Variants in FSTL1 observed in about 807,000 individuals in gnomAD.
FSTL1 encodes the protein follistatin like 1.
Under a neutral mutation model 45.9 loss-of-function variants are expected in FSTL1, and 24 were observed. The observed-to-expected ratio is 0.52, with a 90% CI of 0.38 to 0.74. The LOEUF (loss-of-function observed/expected upper bound fraction) is 0.74, where lower values mean the gene tolerates loss of function less well. Ranked by LOEUF, FSTL1 falls within the 30% of genes least tolerant of loss-of-function variation. FSTL1 has a pLI of 0.00. For synonymous variants in FSTL1, 120 were observed against 137.6 expected (o/e 0.87, Z 0.89); for missense variants, 340 against 381.8 (o/e 0.89, Z 0.91).
intron 2 of FSTL1, chr3:120,419,091 ATCTC>A (rs921427000): frequency 3.9e-5 from 6 of 152,208 alleles, no homozygotes; most frequent in African/African-American, 7.2e-5. Context: ...ATAGGTGGCA[ATCTC>A]TCTCTGTCTT....
At chr3:120,421,170 G>A (rs1937271976) in intron 2 of FSTL1, 1 of 152,210 alleles carries the variant, frequency 6.6e-6, no homozygotes, top group African/African-American at 2.4e-5. Context: ...TATAAGCAAA[G>A]CCATAAAACT....
chr3:120,395,640 TG>T lies in FSTL1; in HGVS notation c.*1311del, dbSNP rs1560008706. 1 of 533,116 alleles carries T rather than the reference TG, an allele frequency of 1.9e-6. No individual in the cohort carries two copies. 33.0% of individuals were successfully genotyped at this position (533,116 alleles called of 1,614,324 possible). Reference sequence around the variant, plus strand: ...TCTGGTCATCTTGTTTTTGGCCATCTGACATTTCTTGTTCTAGTAACAAGAT... The same window carrying T: ...TCTGGTCATCTTGTTTTTGGCCATCTACATTTCTTGTTCTAGTAACAAGAT... On this transcript the variant is annotated 3_prime_UTR_variant, in exon 11 of 11. Coordinates refer to ENST00000295633, the MANE Select transcript of FSTL1 (RefSeq NM_007085.5).
At position 120,425,715 on chromosome 3, in the gene FSTL1, G is replaced by C. The variant is rs117756142; in HGVS notation, c.64-9688C>G. The stretch of plus-strand genomic sequence containing the variant: ...AGCTAACCTAAATGGCCAAACTAAA[G>C]AAAGTGGTTATGTATACAGTCACAT... On this transcript the variant is annotated intron_variant, in intron 2 of 10. Transcript: ENST00000295633. Among the ~76,000 whole-genome samples the C allele has an allele frequency of 3.5e-4, 54 of 152,284 alleles. 2 individuals carry two copies. The East Asian group carries it at 0.01, about 29-fold the overall frequency.
intron 2 of FSTL1, among the ~76,000 whole-genome samples, chr3:120,448,909 T>A (rs1291530361): frequency 6.6e-6 from 1 of 152,182 alleles, no homozygotes; most frequent in Non-Finnish European, 1.5e-5. Flanking sequence ...CATATTTGCA[T>A]TCCAGTTCAC....
chr3:120,449,005 C>T (rs1283393010), intron 2 of FSTL1, among the ~76,000 whole-genome samples: 1 of 152,226 alleles, frequency 6.6e-6, no homozygotes, highest in Non-Finnish European at 1.5e-5. Context: ...TGGTCTGCAA[C>T]TGCCTTTTGA....
intron 2 of FSTL1, among the ~76,000 whole-genome samples, chr3:120,429,691 TG>T (rs1254314702): frequency 1.3e-5 from 2 of 152,204 alleles, no homozygotes; most frequent in African/African-American, 4.8e-5. Flanking sequence ...GGGCATGAAC[TG>T]CCTTTTGTAG....
At chr3:120,426,112 C>G (rs539395362) in intron 2 of FSTL1, among the ~76,000 whole-genome samples, 97 of 152,138 alleles carry the variant, frequency 6.4e-4, no homozygotes, top group African/African-American at 2.2e-3. Context: ...CATTCATGCT[C>G]TAATTATTTC....
rs1937011180 is a variant in FSTL1 at position 120,409,616 on chromosome 3, G to A, written c.378C>T (p.Ile126=). 1 of 1,613,874 alleles carries A rather than the reference G, an allele frequency of 6.2e-7. No homozygotes were observed. Among genetic ancestry groups the A allele is most frequent in the Non-Finnish European group, 8.5e-7 (1 of 1,179,730 alleles). ...GAATGATCTCAGCTTCCAGCCACTG[G>A]ATGATGCGACGTCGGAGCTCATCAC... ...SNRDELRRRI[I]QWLEAEIIPD... Residue 126 remains isoleucine (I), a synonymous_variant, in exon 6 of 11, where the codon ATC becomes ATT. Transcript: ENST00000295633.
At chr3:120,403,105 T>A in intron 8 of FSTL1, 137 bp downstream of exon 8, 1 of 706,230 alleles carries the variant, frequency 1.4e-6, no homozygotes, top group Non-Finnish European at 2.6e-6. Context: ...ATGGGGAGAA[T>A]GGGCTGGGGC....
intron 2 of FSTL1, among the ~76,000 whole-genome samples, chr3:120,449,103 A>ATACGCATCTC (rs1937823101): frequency 6.6e-6 from 1 of 152,226 alleles, no homozygotes; most frequent in Non-Finnish European, 1.5e-5. Flanking sequence ...CAAACCCTGG[A>ATACGCATCTC]AAACCAGATG....
In FSTL1 at chr3:120,440,578, C is replaced by T. The variant is rs118175070; in HGVS notation, c.63+10106G>A. ...CCTGTGTTCCTGTCTGCCTCCCCTC[C>T]GGACTGCAAGCTCTTTGGGCACAAG... On this transcript the variant is annotated intron_variant, in intron 2 of 10. Transcript: ENST00000295633. Among the ~76,000 whole-genome samples the T allele has an allele frequency of 4.9e-3, 744 of 152,354 alleles. 31 individuals carry two copies. Among genetic ancestry groups the T allele is most frequent in the Admixed American group, 0.044 (672 of 15,300 alleles).
chr3:120,441,097 A>G (rs1255398242), intron 2 of FSTL1, among the ~76,000 whole-genome samples: 2 of 152,196 alleles, frequency 1.3e-5, no homozygotes, highest in African/African-American at 4.8e-5. Context: ...TTTGAGAGTA[A>G]TTGGCACTTA....
Position 120,415,932 on chromosome 3 carries a change from G to GA in FSTL1, c.158dup (p.Cys54LeufsTer3). The GA allele has an allele frequency of 6.2e-7, 1 of 1,607,998 alleles. No individual in the cohort carries two copies. The highest frequency in any genetic ancestry group is 8.5e-7 in the Non-Finnish European group (1 of 1,174,428). On this transcript the variant is annotated frameshift_variant, in exon 3 of 11. Coordinates refer to ENST00000295633, the MANE Select transcript of FSTL1 (RefSeq NM_007085.5). LOFTEE classifies it high-confidence loss of function. Reference sequence around the variant, plus strand: ...CGACATCAGGACTTACCTCAATGCAGAGACAGGTGGGTTCCCCTTTCTCTG... The same window carrying GA: ...CGACATCAGGACTTACCTCAATGCAGAAGACAGGTGGGTTCCCCTTTCTCTG...
In FSTL1 at chr3:120,397,014, A is replaced by G; in HGVS notation, c.883-18T>C. 1 of 1,593,380 alleles carries G rather than the reference A, an allele frequency of 6.3e-7. No homozygotes were observed. Among genetic ancestry groups the G allele is most frequent in the South Asian group, 1.1e-5 (1 of 90,666 alleles). ...GCTGTTTCCTTTGAGATGCAAGAGA[A>G]AATAGGCGTCATGGAAATATTAAAC... On this transcript the variant is annotated intron_variant, in intron 10 of 10. Transcript: ENST00000295633.
chr3:120,424,293 C>A (rs1045128093), intron 2 of FSTL1, among the ~76,000 whole-genome samples: 1 of 152,154 alleles, frequency 6.6e-6, no homozygotes, highest in African/African-American at 2.4e-5. Context: ...CAGAGTGAGA[C>A]CCTGTCTCTA....
chr3:120,450,897 C>T lies in FSTL1; in HGVS notation c.-1G>A, dbSNP rs1937884975. 3 of 543,810 alleles carry T rather than the reference C, an allele frequency of 5.5e-6. No individual in the cohort carries two copies. Among genetic ancestry groups the T allele is most frequent in the Admixed American group, 4.1e-5 (1 of 24,558 alleles). 33.7% of individuals were successfully genotyped at this position (543,810 alleles called of 1,614,324 possible). On this transcript the variant is annotated splice_region_variant and 5_prime_UTR_variant, in exon 1 of 11. Transcript: ENST00000295633. Reference sequence around the variant, plus strand: ...TCCGCGCCGTGCGCCCTGCGCTCACCGTGGTCTGGTCCAGGTCTCCTGGGG... The same window carrying T: ...TCCGCGCCGTGCGCCCTGCGCTCACTGTGGTCTGGTCCAGGTCTCCTGGGG...
intron 2 of FSTL1, chr3:120,438,264 C>T (rs1363604997): frequency 1.1e-5 from 1 of 93,174 alleles, no homozygotes; most frequent in African/African-American, 2.7e-5. Context: ...GGTTGTCTTC[C>T]CTTTTTCCCC....
At chr3:120,400,023 G>C in intron 9 of FSTL1, 64 bp from the exon 10 acceptor site, 1 of 1,031,052 alleles carries the variant, frequency 9.7e-7, no homozygotes, top group Non-Finnish European at 1.5e-6. Flanking sequence ...AATCCGCCAA[G>C]ATCTACCTAG....
chr3:120,411,236 A>G, intron 4 of FSTL1: 1 of 390,012 alleles, frequency 2.6e-6, no homozygotes, highest in Non-Finnish European at 4.8e-6. Context: ...TGTTGCATTG[A>G]GGGGTCACTG....
Sources: gnomAD v4.1 joint callset for allele counts (sites outside exome capture counted in the v4.1 genomes callset) on GRCh38, gnomAD v4.1.1 for gene constraint, MANE v1.5 for transcripts, NCBI Gene and HGNC (gene_info 2026-07-23, HGNC 2026-07-21) for gene names.